The following NCOR1 variants were observed in gnomAD, a reference collection of about 807,000 sequenced individuals.
The protein encoded by NCOR1 is nuclear receptor corepressor 1, also known as protein phosphatase 1, regulatory subunit 109.
In NCOR1, 63 loss-of-function variants were observed where a neutral mutation model predicts 288.1. The observed-to-expected ratio is 0.22, with a 90% CI of 0.18 to 0.27. NCOR1 has a LOEUF of 0.27. NCOR1 is among the 10% of genes least tolerant of loss of function. The probability of loss-of-function intolerance (pLI) is 1.00; values close to 1 mark genes in which losing one functional copy is unlikely to be tolerated. For missense variants in NCOR1, 2,397 were observed against 3,019.2 expected, an observed-to-expected ratio of 0.79 and a Z score of 4.83; for synonymous variants, 1,007 against 1,065.9, an observed-to-expected ratio of 0.94 and a Z score of 1.08.
At chr17:16,176,259 TTTTGTTTTGTTTTGC>T (rs979194432) in intron 3 of NCOR1, among the ~76,000 whole-genome samples, 15 of 150,332 alleles carry the variant, frequency 1.0e-4, no homozygotes, top group African/African-American at 3.3e-4. Context: ...CTTTCAGGTT[TTTTGTTTTGTTTTGC>T]TTTGTTTTGT....
chr17:16,182,652 C>T lies in NCOR1; in HGVS notation c.242+3902G>A, dbSNP rs140277302. On this transcript the variant is annotated intron_variant, in intron 3 of 45. Transcript: ENST00000268712. ...TGTATTTTTAGTAGATGAGGTTTCA[C>T]CGTGTTAGCCAGGATGGTCTCAATC... is the stretch of plus-strand genomic sequence containing the variant. Among the ~76,000 whole-genome samples, 426 of 152,204 alleles carry T rather than the reference C, an allele frequency of 2.8e-3. 3 individuals are homozygous for T. The highest frequency in any genetic ancestry group is 9.5e-3 in the African/African-American group (393 of 41,536).
At chr17:16,197,183 T>C (rs1260496515) in intron 1 of NCOR1, among the ~76,000 whole-genome samples, 2 of 151,978 alleles carry the variant, frequency 1.3e-5, no homozygotes, top group African/African-American at 2.4e-5. Flanking sequence ...TAGCCACGCA[T>C]GGTGGCGCGT....
intron 1 of NCOR1, among the ~76,000 whole-genome samples, chr17:16,202,223 C>CAAA (rs35812448): frequency 2.2e-4 from 21 of 97,392 alleles, no homozygotes; most frequent in African/African-American, 7.7e-4. Flanking sequence ...GACTCCATCT[C>CAAA]AAAAAAAAAA....
chr17:16,184,219 T>C (rs1007658162), intron 3 of NCOR1, among the ~76,000 whole-genome samples: 3 of 152,086 alleles, frequency 2.0e-5, no homozygotes, highest in Non-Finnish European at 4.4e-5. Flanking sequence ...AGCACAAATA[T>C]ATAAATGGGA....
chr17:16,070,103 G>GTTTTT, intron 31 of NCOR1, 62 bp downstream of exon 31: 2 of 1,332,838 alleles, frequency 1.5e-6, no homozygotes, highest in Non-Finnish European at 1.0e-6. Context: ...CTTGACAAAG[G>GTTTTT]TTTTTTTTTT....
chr17:16,152,936 CA>C (rs2079099937), intron 7 of NCOR1, among the ~76,000 whole-genome samples: 1 of 152,100 alleles, frequency 6.6e-6, no homozygotes, highest in Non-Finnish European at 1.5e-5. Context: ...CTGTCACTCC[CA>C]TAATACAGTT....
intron 5 of NCOR1, among the ~76,000 whole-genome samples, chr17:16,162,450 T>A (rs1229366469): frequency 2.7e-5 from 4 of 150,732 alleles, no homozygotes; most frequent in South Asian, 2.1e-4. Flanking sequence ...AATATCAGGT[T>A]GGACAGATTT....
intron 41 of NCOR1, among the ~76,000 whole-genome samples, chr17:16,048,485 A>G (rs1462156227): frequency 3.9e-5 from 6 of 152,182 alleles, no homozygotes. Flanking sequence ...GAAATAGGTA[A>G]GATTAAATCT....
chr17:16,067,932 A>G lies in NCOR1; in HGVS notation c.4703T>C (p.Leu1568Ser). The change falls in exon 32 of 46, where the codon TTG (leucine) becomes TCG (serine). Residue 1568 changes from leucine (L) to serine (S), a missense_variant. By Grantham distance (145) the Leu-to-Ser change is moderately radical. Around this residue, in one of 11 missense-constraint regions of NCOR1, gnomAD observed 1,872 missense variants for 2,187.8 expected, o/e 0.86. Coordinates refer to ENST00000268712, the MANE Select transcript of NCOR1 (RefSeq NM_006311.4). Reference protein sequence around the residue: ...EVYRSHLPTHLDPAMPFHRAL... With the variant: ...EVYRSHLPTHSDPAMPFHRAL... ...CCTGTGAAAAGGCATGGCTGGATCC[A>G]AGTGCGTGGGCAGGTGGCTCCGATA... 1 of 1,614,190 alleles carries G rather than the reference A, an allele frequency of 6.2e-7. No individual in the cohort carries two copies. Among genetic ancestry groups the G allele is most frequent in the Non-Finnish European group, 8.5e-7 (1 of 1,180,030 alleles).
chr17:16,140,631 T>C (rs1477521000), intron 11 of NCOR1, among the ~76,000 whole-genome samples: 1 of 152,152 alleles, frequency 6.6e-6, no homozygotes, highest in Non-Finnish European at 1.5e-5. Context: ...TTGGCCAACA[T>C]GGCAAAACCC....
Position 16,199,216 on chromosome 17 carries a change from A to AAAACAC in NCOR1, c.-70-4578_-70-4577insGTGTTT, listed in dbSNP as rs1337668798. On this transcript the variant is annotated intron_variant, in intron 1 of 45. Transcript: ENST00000268712. The stretch of plus-strand genomic sequence containing the variant: ...CCCAATACAGAAGGAAAAAAAAAAA[A>AAAACAC]ACACACACACACACACACACACACA... Among the ~76,000 whole-genome samples, 681 of 122,270 alleles carry AAAACAC rather than the reference A, an allele frequency of 5.6e-3. 5 individuals carry two copies. Among genetic ancestry groups the AAAACAC allele is most frequent in the African/African-American group, 0.012 (374 of 30,674 alleles). The allele number at this position is 122,270 out of a possible 152,430, so 80.2% of individuals were successfully genotyped here. A position where few individuals can be genotyped will look rare whatever the true frequency, so the allele number is the denominator to read the frequency against.
At chr17:16,053,061 C>G (rs1335489805) in intron 40 of NCOR1, among the ~76,000 whole-genome samples, 1 of 152,046 alleles carries the variant, frequency 6.6e-6, no homozygotes, top group Non-Finnish European at 1.5e-5. Flanking sequence ...ATAAAAGAGC[C>G]ATATATGAAA....
In NCOR1 at chr17:16,068,095, T is replaced by G; in HGVS notation, c.4540A>C (p.Asn1514His). Residue 1514 changes from asparagine (N) to histidine (H), a missense_variant, in exon 32 of 46, where the codon AAT becomes CAT. Asn to His is a moderately conservative substitution (Grantham distance 68, BLOSUM62 1). Transcript: ENST00000268712. ...DVTISSNKST[N>H]HERKSTLTPT... The stretch of plus-strand genomic sequence containing the variant: ...GTCAGTGTCGATTTCCTTTCATGAT[T>G]GGTAGACTTGTTAGAAGAAATTGTA... The G allele has an allele frequency of 1.9e-6, 3 of 1,613,018 alleles. No homozygotes were observed. Among genetic ancestry groups the G allele is most frequent in the Non-Finnish European group, 2.5e-6 (3 of 1,179,358 alleles).
chr17:16,137,177 T>C, intron 14 of NCOR1, 134 bp downstream of exon 14: 1 of 506,346 alleles, frequency 2.0e-6, no homozygotes, highest in South Asian at 3.5e-5. Flanking sequence ...AAAATAATTA[T>C]AACATCCTCA....
At chr17:16,040,050 A>G (rs975624126) in intron 43 of NCOR1, 1 of 412,224 alleles carries the variant, frequency 2.4e-6, no homozygotes, top group Admixed American at 3.1e-5. Flanking sequence ...TTGGCCTCCC[A>G]AAGTGCTGGG....
chr17:16,135,965 C>CA lies in NCOR1; in HGVS notation c.1509+1345dup, dbSNP rs1382989015. On this transcript the variant is annotated intron_variant, in intron 14 of 45. Transcript: ENST00000268712. ...GTTGCAGTGTCGGAGCTCATGCATG[C>CA]AAGTCCTTATTGTAATATCTATCCG... Among the ~76,000 whole-genome samples the CA allele has an allele frequency of 5.3e-5, 8 of 152,268 alleles. No individual in the cohort carries two copies. The South Asian group carries it at 1.2e-3, about 24-fold the overall frequency.
intron 44 of NCOR1, among the ~76,000 whole-genome samples, chr17:16,037,529 T>C (rs2056666544): frequency 6.6e-6 from 1 of 152,112 alleles, no homozygotes; most frequent in South Asian, 2.1e-4. Context: ...ATGTGGTAAT[T>C]AAGGAACTGA....
intron 14 of NCOR1, among the ~76,000 whole-genome samples, chr17:16,131,518 C>G (rs1449587377): frequency 1.3e-5 from 2 of 152,082 alleles, no homozygotes; most frequent in African/African-American, 4.8e-5. Context: ...GACAAGTTCC[C>G]ACTCAACAGA....
Position 16,031,913 on chromosome 17 carries a change from TA to T in NCOR1, c.*382del. On this transcript the variant is annotated 3_prime_UTR_variant, in exon 46 of 46. Transcript: ENST00000268712. ...CAAAGTTGATGCGCTGATTTGAACATAAGTACACCAGATACTACAGCAAGGG... is the reference window on the plus strand; with the variant it reads ...CAAAGTTGATGCGCTGATTTGAACATAGTACACCAGATACTACAGCAAGGG... The T allele has an allele frequency of 4.1e-6, 1 of 243,872 alleles. No individual in the cohort carries two copies. The highest frequency in any genetic ancestry group is 7.9e-6 in the Non-Finnish European group (1 of 125,802). 15.1% of individuals were successfully genotyped at this position (243,872 alleles called of 1,614,324 possible).
Sources: gnomAD v4.1 joint callset for allele counts (sites outside exome capture counted in the v4.1 genomes callset) on GRCh38, gnomAD v4.1.1 for gene constraint, gnomAD v4.1.1 regional missense constraint, MANE v1.5 for transcripts, NCBI Gene and HGNC (gene_info 2026-07-23, HGNC 2026-07-21) for gene names.